IDO2: variants seen among roughly 807,000 people sequenced by gnomAD.
IDO2 encodes the protein indoleamine 2,3-dioxygenase 2.
A neutral mutation model predicts 45.1 loss-of-function variants in IDO2; 46 were observed. The observed-to-expected ratio is 1.02, with a 90% confidence interval of 0.80 to 1.30. IDO2 has a LOEUF of 1.30. IDO2 is among the 50% of genes most tolerant of loss of function. The pLI, the probability that IDO2 is intolerant of heterozygous loss-of-function variation, is 0.00. For synonymous variants in IDO2, 218 were observed against 184.9 expected (o/e 1.18, Z -1.45); for missense variants, 544 against 491.8 (o/e 1.11, Z -1.00).
chr8:39,982,310 G>A (rs997480631), intron 4 of IDO2, among the ~76,000 whole-genome samples: 3 of 149,378 alleles, frequency 2.0e-5, no homozygotes, highest in Admixed American at 1.3e-4. Flanking sequence ...ATTTTTTTCC[G>A]TTGATAATAT....
At chr8:40,006,643 ATTATTTTATTTTATT>A (rs138004689) in intron 9 of IDO2, among the ~76,000 whole-genome samples, 2 of 146,722 alleles carry the variant, frequency 1.4e-5, no homozygotes, top group African/African-American at 2.5e-5. Flanking sequence ...GAACTCTACT[ATTATTTTATTTTATT>A]TTATTTTATT....
At chr8:39,967,125 A>C (rs1808096591) in intron 3 of IDO2, among the ~76,000 whole-genome samples, 1 of 152,226 alleles carries the variant, frequency 6.6e-6, no homozygotes, top group Non-Finnish European at 1.5e-5. Flanking sequence ...GATAAATTTC[A>C]TAAAGCATAA....
chr8:39,975,171 GTT>G (rs57302611), intron 3 of IDO2, among the ~76,000 whole-genome samples: 14 of 133,248 alleles, frequency 1.1e-4, no homozygotes, highest in South Asian at 2.3e-4. Context: ...TTTTTTTTTT[GTT>G]TTTTTTTTTT....
At chr8:39,956,711 G>A (rs1807907132) in intron 2 of IDO2, among the ~76,000 whole-genome samples, 1 of 151,890 alleles carries the variant, frequency 6.6e-6, no homozygotes, top group Non-Finnish European at 1.5e-5. Flanking sequence ...CTTTGTAGTA[G>A]GCCCTGTGTT....
intron 9 of IDO2, 148 bp from the exon 10 acceptor site, chr8:40,013,417 T>A (rs1377283538): frequency 2.8e-6 from 2 of 718,138 alleles, no homozygotes; most frequent in Non-Finnish European, 4.7e-6. Context: ...GCTTCAGTAC[T>A]TACCCTACAA....
At chr8:39,995,183 CTTCTTCTTCTTCTT>C (rs1802015874) in intron 8 of IDO2, 16 of 103,222 alleles carry the variant, frequency 1.6e-4, no homozygotes, top group African/African-American at 7.1e-4. Context: ...CTTCTTCCTT[CTTCTTCTTCTTCTT>C]CTTCTCCTTC....
intron 6 of IDO2, chr8:39,986,410 C>T (rs1808423491): frequency 6.6e-6 from 1 of 152,130 alleles, no homozygotes; most frequent in African/African-American, 2.4e-5. Flanking sequence ...CAGATGGGGG[C>T]ACAGAAGGTG....
intron 1 of IDO2, among the ~76,000 whole-genome samples, chr8:39,938,500 T>C (rs767597337): frequency 2.6e-5 from 4 of 151,970 alleles, no homozygotes; most frequent in Admixed American, 6.6e-5. Flanking sequence ...AGAGATAACA[T>C]AAGAGAAAAT....
intron 10 of IDO2, 106 bp downstream of exon 10, chr8:40,013,819 G>T: frequency 1.1e-6 from 1 of 905,446 alleles, no homozygotes; most frequent in Non-Finnish European, 1.6e-6. Context: ...ATGTCATGAA[G>T]TTTATACTTC....
chr8:39,952,352 G>A (rs1317660919), intron 2 of IDO2, among the ~76,000 whole-genome samples: 1 of 152,226 alleles, frequency 6.6e-6, no homozygotes, highest in African/African-American at 2.4e-5. Context: ...AGTTCCTTCA[G>A]TATCTCTTTT....
intron 8 of IDO2, among the ~76,000 whole-genome samples, chr8:39,999,016 AGTGAGTGTCTGCTG>A (rs1802095007): frequency 6.6e-6 from 1 of 152,082 alleles, no homozygotes; most frequent in Non-Finnish European, 1.5e-5. Context: ...GACTTCCTCT[AGTGAGTGTCTGCTG>A]GTGGTAAACT....
At chr8:39,969,385 A>C (rs1808146637) in intron 3 of IDO2, among the ~76,000 whole-genome samples, 1 of 152,188 alleles carries the variant, frequency 6.6e-6, no homozygotes, top group African/African-American at 2.4e-5. Context: ...CTGTGCCCCT[A>C]TAAGTCCTGA....
At chr8:39,979,112 C>A (rs1228748656) in exon 4 of IDO2, 6 of 1,601,824 alleles carry the variant, frequency 3.7e-6, no homozygotes, top group African/African-American at 1.3e-5. Flanking sequence ...CCGGGAGCAG[C>A]GCCTGGCCCA....
chr8:39,996,473 T>C (rs1802048412), intron 8 of IDO2, among the ~76,000 whole-genome samples: 1 of 152,168 alleles, frequency 6.6e-6, no homozygotes, highest in Non-Finnish European at 1.5e-5. Flanking sequence ...TCATACTCCT[T>C]ACCCTGCCCC....
At chr8:40,011,745 T>C (rs1287578707) in intron 9 of IDO2, among the ~76,000 whole-genome samples, 1 of 152,220 alleles carries the variant, frequency 6.6e-6, no homozygotes, top group Non-Finnish European at 1.5e-5. Context: ...ATAAGGGAGA[T>C]ACTAATTTAC....
intron 2 of IDO2, among the ~76,000 whole-genome samples, chr8:39,952,194 A>G (rs1380318739): frequency 6.6e-6 from 1 of 152,182 alleles, no homozygotes; most frequent in Non-Finnish European, 1.5e-5. Context: ...CCCAGCCACT[A>G]AAATCACCAG....
At chr8:40,000,222 G>T (rs112487431) in intron 8 of IDO2, among the ~76,000 whole-genome samples, 3,288 of 152,118 alleles carry the variant, frequency 0.022, 60 homozygotes, top group Middle Eastern at 0.037. Context: ...GACCATCCTG[G>T]CCAATATGAT....
intron 3 of IDO2, among the ~76,000 whole-genome samples, chr8:39,968,311 C>A (rs1253486498): frequency 1.3e-5 from 2 of 151,948 alleles, no homozygotes; most frequent in Admixed American, 6.6e-5. Context: ...TTAGAAAGGG[C>A]AAAACTAGAA....
intron 2 of IDO2, among the ~76,000 whole-genome samples, chr8:39,959,923 G>T (rs150759444): frequency 5.9e-5 from 9 of 152,200 alleles, no homozygotes; most frequent in Non-Finnish European, 7.4e-5. Flanking sequence ...AGGTTGCAGT[G>T]AGCTGAGATC....
Sources: allele counts gnomAD v4.1 joint callset (sites outside exome capture counted in the v4.1 genomes callset), GRCh38; gene constraint gnomAD v4.1.1; transcripts MANE v1.5; gene names NCBI Gene and HGNC (gene_info 2026-07-23, HGNC 2026-07-21).